The following GALNT9 variants were observed in gnomAD, a reference collection of about 807,000 sequenced individuals.
GALNT9 encodes GalNAc transferase 9.
GALNT9 carries 47 observed loss-of-function variants against 63.1 expected under a neutral mutation model. The ratio of observed to expected loss-of-function variants is 0.75; its 90% confidence interval spans 0.59 to 0.95. The LOEUF is 0.95. Among genes scored for constraint, GALNT9 ranks in the 40% least tolerant of loss-of-function variants. The probability of loss-of-function intolerance (pLI) is 0.00; values close to 1 mark genes in which losing one functional copy is unlikely to be tolerated. For missense variants in GALNT9, 829 were observed against 874.8 expected (o/e 0.95, Z 0.66); for synonymous variants, 396 against 365.7 (o/e 1.08, Z -0.94).
At chr12:132,263,848 C>A (rs1320309981) in intron 2 of GALNT9, among the ~76,000 whole-genome samples, 1 of 152,206 alleles carries the variant, frequency 6.6e-6, no homozygotes, top group Non-Finnish European at 1.5e-5. Flanking sequence ...GAGGAAGCTG[C>A]TGGCCTCTGG....
chr12:132,325,813 G>GA (rs554944902), intron 1 of GALNT9, among the ~76,000 whole-genome samples: 53 of 152,362 alleles, frequency 3.5e-4, no homozygotes, highest in African/African-American at 1.2e-3. Flanking sequence ...CCAACAAAAG[G>GA]AAAACTTCCC....
At chr12:132,208,555 T>G (rs1000119888) in intron 6 of GALNT9, among the ~76,000 whole-genome samples, 2 of 152,214 alleles carry the variant, frequency 1.3e-5, no homozygotes, top group African/African-American at 4.8e-5. Flanking sequence ...GATCTCTGTC[T>G]TGTAACCTGG....
In GALNT9 at chr12:132,196,866, C is replaced by T. The variant is rs767209884; in HGVS notation, c.*241G>A. The T allele has an allele frequency of 2.6e-4, 351 of 1,345,928 alleles. 1 individual carries two copies. The highest frequency in any genetic ancestry group is 2.9e-4 in the Non-Finnish European group (306 of 1,047,344). The allele number at this position is 1,345,928 out of a possible 1,614,324, so 83.4% of individuals were successfully genotyped here. ...TGGAGAAGGCACGTGTTTGAGTTGG[C>T]ATCACTGTCCCCAGACGCCCTCCCT... On this transcript the variant is annotated 3_prime_UTR_variant, in exon 11 of 11. Coordinates refer to ENST00000328957, the MANE Select transcript of GALNT9 (RefSeq NM_001122636.2).
chr12:132,197,404 G>A, intron 10 of GALNT9, 151 bp from the exon 11 acceptor site: 2 of 1,152,002 alleles, frequency 1.7e-6, no homozygotes, highest in Admixed American at 2.6e-5. Context: ...CACCCAGGGG[G>A]GCCGGGAAGG....
intron 6 of GALNT9, among the ~76,000 whole-genome samples, chr12:132,204,268 G>A (rs768714597): frequency 3.3e-5 from 5 of 151,350 alleles, no homozygotes; most frequent in African/African-American, 7.4e-5. Context: ...CTTCCGTGTC[G>A]TTCCACTTAA....
At position 132,265,379 on chromosome 12, in the gene GALNT9, T is replaced by C. The variant is rs1267928976; in HGVS notation, c.420-2754A>G. Among the ~76,000 whole-genome samples the C allele has an allele frequency of 1.3e-5, 2 of 151,832 alleles. No homozygotes were observed. The highest frequency in any genetic ancestry group is 6.5e-5 in the Admixed American group (1 of 15,274). On this transcript the variant is annotated intron_variant, in intron 2 of 10. Transcript: ENST00000328957. The surrounding 1 kb of genome is among the most constrained non-coding windows in gnomAD (Gnocchi z 5.3). The stretch of plus-strand genomic sequence containing the variant: ...CCCAAGACACAGTGTCAGCAGGACA[T>C]GGGCCTCTGTCTCCGATCTCGGAAA...
chr12:132,210,184 C>T (rs1190573077), intron 6 of GALNT9, among the ~76,000 whole-genome samples: 2 of 152,198 alleles, frequency 1.3e-5, no homozygotes, highest in Non-Finnish European at 2.9e-5. Flanking sequence ...AGGCCCCGGG[C>T]TGGCACATCA....
intron 6 of GALNT9, among the ~76,000 whole-genome samples, chr12:132,216,260 GAC>G (rs1379586168): frequency 6.6e-6 from 1 of 152,184 alleles, no homozygotes; most frequent in Non-Finnish European, 1.5e-5. Flanking sequence ...TAGAGATGAA[GAC>G]ACAGAGAAAG....
intron 2 of GALNT9, among the ~76,000 whole-genome samples, chr12:132,268,100 C>T (rs111709218): frequency 0.027 from 3,840 of 143,274 alleles, 70 homozygotes; most frequent in Non-Finnish European, 0.04. Context: ...AACCCACACG[C>T]GCACTCACAC....
chr12:132,250,489 TAAC>T (rs1443417993), intron 5 of GALNT9, among the ~76,000 whole-genome samples: 3 of 152,164 alleles, frequency 2.0e-5, no homozygotes, highest in Non-Finnish European at 4.4e-5. Context: ...CAGACCCTGA[TAAC>T]AAGAAAAGCC....
chr12:132,269,899 T>C (rs1879805067), intron 2 of GALNT9, among the ~76,000 whole-genome samples: 1 of 152,182 alleles, frequency 6.6e-6, no homozygotes, highest in African/African-American at 2.4e-5. Context: ...CCAGATAACT[T>C]AGGCCCAGCC....
In GALNT9 at chr12:132,328,953, C is replaced by T; in HGVS notation, c.238+13G>A. On this transcript the variant is annotated intron_variant, in intron 1 of 10. Transcript: ENST00000328957. ...CAGGGCTGCCCCCACTCCGCCCCGG[C>T]GCCCCCGCTCACCGTTGAGCTGGTT... 2 of 1,509,030 alleles carry T rather than the reference C, an allele frequency of 1.3e-6. No homozygotes were observed. The highest frequency in any genetic ancestry group is 8.9e-7 in the Non-Finnish European group (1 of 1,127,842). The allele number at this position is 1,509,030 out of a possible 1,614,324, so 93.5% of individuals were successfully genotyped here. A position where few individuals can be genotyped will look rare whatever the true frequency, so the allele number is the denominator to read the frequency against.
chr12:132,213,552 C>T (rs1877058408), intron 6 of GALNT9, among the ~76,000 whole-genome samples: 1 of 151,780 alleles, frequency 6.6e-6, no homozygotes. Context: ...CAGGCGCACT[C>T]ACACAGTCAC....
chr12:132,215,815 C>T (rs1197188301), intron 6 of GALNT9, among the ~76,000 whole-genome samples: 4 of 152,080 alleles, frequency 2.6e-5, no homozygotes, highest in African/African-American at 7.2e-5. Flanking sequence ...AGGTGCCCTC[C>T]ATCACCTCCT....
chr12:132,199,359 TAAGG>T, intron 8 of GALNT9, 90 bp from the exon 9 acceptor site: 2 of 925,788 alleles, frequency 2.2e-6, no homozygotes, highest in Non-Finnish European at 3.4e-6. Context: ...AGCCAGCACC[TAAGG>T]AGGTGCCCGC....
intron 6 of GALNT9, chr12:132,240,490 C>A (rs2136898341): frequency 1.0e-5 from 4 of 401,848 alleles, no homozygotes; most frequent in South Asian, 3.6e-5. Context: ...CCAGCTCGGA[C>A]CCCGGGCGGC....
At chr12:132,220,619 G>T (rs1565991465) in intron 6 of GALNT9, among the ~76,000 whole-genome samples, 2 of 152,136 alleles carry the variant, frequency 1.3e-5, no homozygotes, top group Non-Finnish European at 2.9e-5. Flanking sequence ...CAGAACCAGG[G>T]GAATTTCCAG....
Position 132,327,353 on chromosome 12 carries a change from G to A in GALNT9, c.238+1613C>T, listed in dbSNP as rs1047837791. ...TATCTCCCGCCAATGTCAGCAAAGC[G>A]GATCATGGGTCCTGGCTTTTTCCAC... On this transcript the variant is annotated intron_variant, in intron 1 of 10. Coordinates refer to ENST00000328957, the MANE Select transcript of GALNT9 (RefSeq NM_001122636.2). The surrounding 1 kb of genome is among the most constrained non-coding windows in gnomAD (Gnocchi z 4.3). Among the ~76,000 whole-genome samples the A allele has an allele frequency of 4.6e-5, 7 of 151,944 alleles. No homozygotes were observed. The highest frequency in any genetic ancestry group is 9.7e-5 in the African/African-American group (4 of 41,340).
At chr12:132,301,593 G>T (rs28532938) in intron 1 of GALNT9, among the ~76,000 whole-genome samples, 10 of 152,240 alleles carry the variant, frequency 6.6e-5, no homozygotes, top group East Asian at 5.8e-4. Flanking sequence ...CGGCACAGCA[G>T]GAGGACTGCC....
Sources: gnomAD v4.1 joint callset for allele counts (sites outside exome capture counted in the v4.1 genomes callset) on GRCh38, gnomAD v4.1.1 for gene constraint, Gnocchi (gnomAD v3.1) non-coding constraint, MANE v1.5 for transcripts, NCBI Gene and HGNC (gene_info 2026-07-23, HGNC 2026-07-21) for gene names.